Variants in ZNF814 observed in about 807,000 individuals in gnomAD.
ZNF814 encodes the protein zinc finger protein 814.
Under a neutral mutation model 7.5 loss-of-function variants are expected in ZNF814, and 5 were observed. That is an observed-to-expected ratio of 0.67 (90% confidence interval 0.35 to 1.40). The LOEUF is 1.40. ZNF814 is among the 40% of genes most tolerant of loss of function. The pLI, the probability that ZNF814 is intolerant of heterozygous loss-of-function variation, is 0.04. For missense variants in ZNF814, 962 were observed against 1,018.0 expected (o/e 0.94, Z 0.75); for synonymous variants, 315 against 340.7 (o/e 0.92, Z 0.83).
Position 57,870,709 on chromosome 19 carries a change from C to T in ZNF814, c.*2113G>A, listed in dbSNP as rs929828316. The T allele has an allele frequency of 6.6e-6, 1 of 152,138 alleles. No individual in the cohort carries two copies. The highest frequency in any genetic ancestry group is 6.5e-5 in the Admixed American group (1 of 15,270). The allele number at this position is 152,138 out of a possible 1,614,324, so 9.4% of individuals were successfully genotyped here. On this transcript the variant is annotated 3_prime_UTR_variant, in exon 3 of 3. Transcript: ENST00000435989. ...TTTAAAAGACATGCATTACGCTGCA[C>T]GTGGTGGCTCACCTGTAATCCCAGG... is the stretch of plus-strand genomic sequence containing the variant.
rs149719477 is a variant in ZNF814, at chr19:57,870,636, T to C, written c.*2186A>G. 1 of 152,350 alleles carries C rather than the reference T, an allele frequency of 6.6e-6. No homozygotes were observed. Among genetic ancestry groups the C allele is most frequent in the East Asian group, 1.9e-4 (1 of 5,190 alleles). The allele number at this position is 152,350 out of a possible 1,614,324, so 9.4% of individuals were successfully genotyped here. A position where few individuals can be genotyped will look rare whatever the true frequency, so the allele number is the denominator to read the frequency against. On this transcript the variant is annotated 3_prime_UTR_variant, in exon 3 of 3. Coordinates refer to ENST00000435989, the MANE Select transcript of ZNF814 (RefSeq NM_001144989.2). ...TATGGAAGTCCTGATAATTCCTGTA[T>C]CTGCATATTCATCATATACGTAGTG...
At chr19:57,876,772 C>G (rs555754494) in intron 2 of ZNF814, 144 bp downstream of exon 2, 3 of 1,405,234 alleles carry the variant, frequency 2.1e-6, no homozygotes, top group Non-Finnish European at 2.9e-6. Context: ...ATGTACACCT[C>G]AGACCTACCA....
At chr19:57,875,406 T>C (rs2122431761) in intron 2 of ZNF814, among the ~76,000 whole-genome samples, 180 bp from the exon 3 acceptor site, 1 of 152,266 alleles carries the variant, frequency 6.6e-6, no homozygotes, top group African/African-American at 2.4e-5. Flanking sequence ...GGTCACAGAA[T>C]GTAGGAGGCC....
intron 1 of ZNF814, among the ~76,000 whole-genome samples, chr19:57,883,265 G>A (rs957527087): frequency 6.6e-6 from 1 of 151,952 alleles, no homozygotes; most frequent in African/African-American, 2.4e-5. Flanking sequence ...GGCTGAGGCA[G>A]GAGAATGGCA....
the ZNF814 span, among the ~76,000 whole-genome samples, chr19:57,903,970 CTG>C: frequency 6.6e-6 from 1 of 152,294 alleles, no homozygotes; most frequent in South Asian, 2.1e-4. Context: ...ACACCAAACT[CTG>C]TGCCAAAGGG....
intron 1 of ZNF814, among the ~76,000 whole-genome samples, chr19:57,887,446 GTT>G (rs2071702019): frequency 6.6e-6 from 1 of 152,136 alleles, no homozygotes; most frequent in Non-Finnish European, 1.5e-5. Context: ...CTCTAAACTG[GTT>G]CCATAACGTT....
At chr19:57,888,441 A>G (rs879822758) in intron 1 of ZNF814, among the ~76,000 whole-genome samples, 1 of 152,110 alleles carries the variant, frequency 6.6e-6, no homozygotes, top group Admixed American at 6.6e-5. Context: ...CATGCCTTCT[A>G]GGGTCCTCAC....
At chr19:57,879,550 A>C (rs2071635451) in intron 1 of ZNF814, among the ~76,000 whole-genome samples, 1 of 148,374 alleles carries the variant, frequency 6.7e-6, no homozygotes, top group Admixed American at 6.8e-5. Flanking sequence ...TTACTACCTT[A>C]TTATGAAGTG....
At chr19:57,884,830 C>G (rs112809046) in intron 1 of ZNF814, among the ~76,000 whole-genome samples, 10,954 of 152,154 alleles carry the variant, frequency 0.072, 1,278 homozygotes, top group African/African-American at 0.25. Flanking sequence ...AGTACAACCA[C>G]TATGGAGAAC....
At position 57,873,950 on chromosome 19, in the gene ZNF814, A is replaced by C. The variant is rs2071580680; in HGVS notation, c.1440T>G (p.Val480=). ...VKSFSHKRSL[V]HHQRVHSGER... Reference sequence around the variant, plus strand: ...CTCCACTGTGAACTCGCTGATGGTGAACAAGGCTGCGCTTATGACTGAAAG... The same window carrying C: ...CTCCACTGTGAACTCGCTGATGGTGCACAAGGCTGCGCTTATGACTGAAAG... The change falls in exon 3 of 3, where the codon GTT becomes GTG. Residue 480 remains valine (V), a synonymous_variant. Transcript: ENST00000435989. The C allele has an allele frequency of 6.2e-7, 1 of 1,613,872 alleles. No individual in the cohort carries two copies.
chr19:57,879,360 T>A (rs1056465336), intron 1 of ZNF814, among the ~76,000 whole-genome samples: 2 of 148,026 alleles, frequency 1.4e-5, no homozygotes, highest in East Asian at 3.9e-4. Context: ...ATTATCTCCA[T>A]GGAAGTCTGC....
In ZNF814 at chr19:57,884,652, G is replaced by C. The variant is rs191837866; in HGVS notation, c.36+4115C>G. Among the ~76,000 whole-genome samples, 392 of 152,174 alleles carry C rather than the reference G, an allele frequency of 2.6e-3. 2 individuals carry two copies. Among genetic ancestry groups the C allele is most frequent in the African/African-American group, 9.0e-3 (373 of 41,530 alleles). On this transcript the variant is annotated intron_variant, in intron 1 of 2. Transcript: ENST00000435989. ...AACAAAAGACAATGACATACAAATG[G>C]CAAACAGGTATAGGAAAAGGTGCTC...
intron 1 of ZNF814, among the ~76,000 whole-genome samples, chr19:57,887,682 C>G (rs1053905612): frequency 3.9e-5 from 6 of 152,154 alleles, no homozygotes; most frequent in Admixed American, 1.3e-4. Flanking sequence ...TACCCACCCC[C>G]CTTTCCTCAA....
upstream of ZNF814, among the ~76,000 whole-genome samples, chr19:57,893,796 T>G (rs1227501230): frequency 6.6e-6 from 1 of 151,522 alleles, no homozygotes. Flanking sequence ...GGTGCATGCA[T>G]GTAATCCCAG....
At chr19:57,903,212 C>T in the ZNF814 span, among the ~76,000 whole-genome samples, 1 of 152,188 alleles carries the variant, frequency 6.6e-6, no homozygotes, top group Non-Finnish European at 1.5e-5. Flanking sequence ...TATAGTTGCT[C>T]TTATATTTGC....
Position 57,875,943 on chromosome 19 carries a change from C to CTTTTTTTTTT in ZNF814, c.164-727_164-718dup, listed in dbSNP as rs567660556. Among the ~76,000 whole-genome samples the CTTTTTTTTTT allele has an allele frequency of 3.5e-4, 25 of 71,426 alleles. 2 individuals carry two copies. Among genetic ancestry groups the CTTTTTTTTTT allele is most frequent in the East Asian group, 7.9e-4 (2 of 2,520 alleles). The allele number at this position is 71,426 out of a possible 152,430, so 46.9% of individuals were successfully genotyped here. ...CTCCATGACCTCCTCCAGGGTGCCGCTTTTTTTTTTTTTTTTTTTTTTTTT... is the reference window on the plus strand; with the variant it reads ...CTCCATGACCTCCTCCAGGGTGCCGCTTTTTTTTTTTTTTTTTTTTTTTTTTTTTTTTTTT... On this transcript the variant is annotated intron_variant, in intron 2 of 2. Coordinates refer to ENST00000435989, the MANE Select transcript of ZNF814 (RefSeq NM_001144989.2).
chr19:57,889,268 G>A (rs1476179756), upstream of ZNF814, among the ~76,000 whole-genome samples: 2 of 152,192 alleles, frequency 1.3e-5, no homozygotes, highest in African/African-American at 4.8e-5. Context: ...GTCCTGACTG[G>A]TATGGTGGCT....
intron 1 of ZNF814, among the ~76,000 whole-genome samples, chr19:57,877,903 A>AT (rs111488466): frequency 1.3e-3 from 194 of 152,240 alleles, no homozygotes; most frequent in African/African-American, 4.5e-3. Context: ...GGTGGCTCAC[A>AT]TTTGTAATCC....
Position 57,874,466 on chromosome 19 carries a change from A to G in ZNF814, c.924T>C (p.Tyr308=). Residue 308 remains tyrosine (Y), a synonymous_variant, in exon 3 of 3, where the codon TAT becomes TAC. Transcript: ENST00000435989. ...CGECGKSFSK[Y]VSFSNHQRVH... ...CTCTCTGATGATTACTGAAGCTAAC[A>G]TATTTGCTAAAGGATTTCCCACATT... 3.0e-6 allele frequency: 3 copies of G among 992,368 alleles called. No homozygotes were observed. The highest frequency in any genetic ancestry group is 4.1e-6 in the Non-Finnish European group (3 of 726,182). 61.5% of individuals were successfully genotyped at this position (992,368 alleles called of 1,614,324 possible). A position where few individuals can be genotyped will look rare whatever the true frequency, so the allele number is the denominator to read the frequency against.
Sources: gnomAD v4.1 joint callset for allele counts (sites outside exome capture counted in the v4.1 genomes callset) on GRCh38, gnomAD v4.1.1 for gene constraint, MANE v1.5 for transcripts, NCBI Gene and HGNC (gene_info 2026-07-23, HGNC 2026-07-21) for gene names.